Variants in DNAJC22 observed in about 807,000 individuals in gnomAD.
DNAJC22 encodes dnaJ homolog subfamily C member 22.
A neutral mutation model predicts 22.2 loss-of-function variants in DNAJC22; 24 were observed. The observed-to-expected ratio is 1.08, with a 90% CI of 0.78 to 1.52. The LOEUF (loss-of-function observed/expected upper bound fraction) is 1.52. Ranked by LOEUF, DNAJC22 falls within the 40% of genes most tolerant of loss-of-function variation. The pLI, the probability that DNAJC22 is intolerant of heterozygous loss-of-function variation, is 0.00. For missense variants in DNAJC22, 434 were observed against 421.7 expected (o/e 1.03, Z -0.26); for synonymous variants, 160 against 167.4 (o/e 0.96, Z 0.34).
rs1943713656 is a variant in DNAJC22 at position 49,347,462 on chromosome 12, C to G, written c.-659C>G. On this transcript the variant is annotated 5_prime_UTR_variant, in exon 1 of 4. Coordinates refer to ENST00000549441, the MANE Select transcript of DNAJC22 (RefSeq NM_001304944.2). ...TGGATGTCCCTCACTGCAGCCTGTC[C>G]GTGGATGTCTCTGCCTTAAGGGAAT... is the stretch of plus-strand genomic sequence containing the variant. 6.6e-6 allele frequency: 1 copy of G among 152,276 alleles called. No homozygotes were observed. Among genetic ancestry groups the G allele is most frequent in the Non-Finnish European group, 1.5e-5 (1 of 68,098 alleles). The allele number at this position is 152,276 out of a possible 1,614,324, so 9.4% of individuals were successfully genotyped here.
Position 49,349,091 on chromosome 12 carries a change from AC to A in DNAJC22, c.224del (p.Pro75LeufsTer2), listed in dbSNP as rs751047585. 37 of 1,613,464 alleles carry A rather than the reference AC, an allele frequency of 2.3e-5. No homozygotes were observed. The highest frequency in any genetic ancestry group is 3.1e-5 in the Non-Finnish European group (36 of 1,179,862). On this transcript the variant is annotated frameshift_variant, in exon 3 of 4. Coordinates refer to ENST00000549441, the MANE Select transcript of DNAJC22 (RefSeq NM_001304944.2). LOFTEE classifies it high-confidence loss of function. Reference sequence around the variant, plus strand: ...AGAGGCAGAGCCCCAGAGGGGTGACACCCCCTCTGAGTCCCATTCGCTTTGC... The same window carrying A: ...AGAGGCAGAGCCCCAGAGGGGTGACACCCCTCTGAGTCCCATTCGCTTTGC... ...GQRQSPRGVT[P>X]PLSPIRFAAQ...
At chr12:49,350,725 C>T (rs551337909) in intron 3 of DNAJC22, among the ~76,000 whole-genome samples, 72 of 149,780 alleles carry the variant, frequency 4.8e-4, no homozygotes, top group African/African-American at 1.7e-3. Context: ...CTCGAACTCC[C>T]GACCTCAGGT....
rs1943788784 is a variant in DNAJC22, at chr12:49,351,744, C to CA, written c.*248dup. 1 of 251,244 alleles carries CA rather than the reference C, an allele frequency of 4.0e-6. No homozygotes were observed. Among genetic ancestry groups the CA allele is most frequent in the Non-Finnish European group, 7.5e-6 (1 of 133,848 alleles). The allele number at this position is 251,244 out of a possible 1,614,324, so 15.6% of individuals were successfully genotyped here. A position where few individuals can be genotyped will look rare whatever the true frequency, so the allele number is the denominator to read the frequency against. On this transcript the variant is annotated 3_prime_UTR_variant, in exon 4 of 4. Transcript: ENST00000549441. ...TGAAACTTCGTCTCTACTAAAAATA[C>CA]AAAAAATTAGCCAGGAGTGGTGGCA... is the stretch of plus-strand genomic sequence containing the variant.
chr12:49,351,278 C>G lies in DNAJC22; in HGVS notation c.841-39C>G, dbSNP rs768189867. Reference sequence around the variant, plus strand: ...AGGAGAGGCCCAGGTACCCTGACAACTTGGGGGATTCTAATTTGTCATCTT... The same window carrying G: ...AGGAGAGGCCCAGGTACCCTGACAAGTTGGGGGATTCTAATTTGTCATCTT... On this transcript the variant is annotated intron_variant, in intron 3 of 3. Transcript: ENST00000549441. 7 of 1,612,406 alleles carry G rather than the reference C, an allele frequency of 4.3e-6. 1 individual carries two copies. In the South Asian group the frequency reaches 7.7e-5, roughly 18 times the overall value.
Position 49,349,246 on chromosome 12 carries a change from G to T in DNAJC22, c.374G>T (p.Gly125Val). 6.2e-7 allele frequency: 1 copy of T among 1,614,138 alleles called. No individual in the cohort carries two copies. Reference protein sequence around the residue: ...GLGVLLVAAVGNQTSDFKNTL... With the variant: ...GLGVLLVAAVVNQTSDFKNTL... ...GGGGTCTTGCTGGTGGCTGCTGTTGGCAACCAGACCTCAGACTTTAAGAAC... is the reference window on the plus strand; with the variant it reads ...GGGGTCTTGCTGGTGGCTGCTGTTGTCAACCAGACCTCAGACTTTAAGAAC... The change falls in exon 3 of 4, where the codon GGC becomes GTC. Residue 125 changes from glycine to valine, a missense_variant. Physicochemically the swap from Gly to Val is moderately radical, Grantham distance 109. Coordinates refer to ENST00000549441, the MANE Select transcript of DNAJC22 (RefSeq NM_001304944.2).
At chr12:49,350,017 C>T (rs1448135714) in intron 3 of DNAJC22, among the ~76,000 whole-genome samples, 1 of 152,098 alleles carries the variant, frequency 6.6e-6, no homozygotes, top group Non-Finnish European at 1.5e-5. Flanking sequence ...ATACTCCCAC[C>T]TTCAGAGGTC....
At chr12:49,349,909 CA>C in intron 3 of DNAJC22, 197 bp downstream of exon 3, 1 of 976,958 alleles carries the variant, frequency 1.0e-6, no homozygotes, top group South Asian at 4.7e-5. Context: ...TGAGGTACAA[CA>C]TATATAAATT....
At chr12:49,349,800 G>A in intron 3 of DNAJC22, 88 bp downstream of exon 3, 1 of 1,576,328 alleles carries the variant, frequency 6.3e-7, no homozygotes, top group South Asian at 1.2e-5. Flanking sequence ...CCAGGTGCTG[G>A]AAGGATATTC....
At position 49,349,711 on chromosome 12, in the gene DNAJC22, A is replaced by G. The variant is rs753814371; in HGVS notation, c.839A>G (p.Gln280Arg). Reference protein sequence around the residue: ...FQDEKRQLAYQVLGLSEGATN... With the variant: ...FQDEKRQLAYRVLGLSEGATN... ...GATGAGAAGCGTCAGCTGGCTTACC[A>G]GGTAAGGCTTTCTTCCCTCAGTCCT... is the stretch of plus-strand genomic sequence containing the variant. Residue 280 changes from glutamine to arginine, a missense_variant and splice_region_variant, in exon 3 of 4, where the codon CAG becomes CGG. Physicochemically the swap from Gln to Arg is conservative, Grantham distance 43. Coordinates refer to ENST00000549441, the MANE Select transcript of DNAJC22 (RefSeq NM_001304944.2). 4 of 1,614,184 alleles carry G rather than the reference A, an allele frequency of 2.5e-6. No individual in the cohort carries two copies. The highest frequency in any genetic ancestry group is 3.4e-6 in the Non-Finnish European group (4 of 1,180,028).
rs1943710548 is a variant in DNAJC22, at chr12:49,347,158, G to A, written c.-963G>A. ...TGGAGCCCGGGACATTGAAATGAAGGCGTCTTGCATTGCAGCTCCGTTGCA... is the reference window on the plus strand; with the variant it reads ...TGGAGCCCGGGACATTGAAATGAAGACGTCTTGCATTGCAGCTCCGTTGCA... On this transcript the variant is annotated 5_prime_UTR_variant, in exon 1 of 4. Transcript: ENST00000549441. The A allele has an allele frequency of 2.0e-5, 3 of 152,304 alleles. No homozygotes were observed. The highest frequency in any genetic ancestry group is 4.8e-5 in the African/African-American group (2 of 41,472). 9.4% of individuals were successfully genotyped at this position (152,304 alleles called of 1,614,324 possible). A position where few individuals can be genotyped will look rare whatever the true frequency, so the allele number is the denominator to read the frequency against.
Position 49,351,330 on chromosome 12 carries a change from C to G in DNAJC22, c.854C>G (p.Ser285Ter), listed in dbSNP as rs757250285. Residue 285 changes from serine to a stop codon, truncating the protein, a stop_gained, in exon 4 of 4, where the codon TCA becomes TGA. Transcript: ENST00000549441. LOFTEE classifies it high-confidence loss of function. ...TGTTTCCATAAGGTTTTGGGCCTCT[C>G]AGAAGGGGCAACAAATGAAGAAATA... ...RQLAYQVLGL[S>*]EGATNEEIHR... The G allele has an allele frequency of 3.1e-6, 5 of 1,613,564 alleles. No homozygotes were observed. The highest frequency in any genetic ancestry group is 1.1e-5 in the South Asian group (1 of 91,048).
chr12:49,348,556 G>A (rs1041611175), intron 2 of DNAJC22, among the ~76,000 whole-genome samples: 7 of 152,046 alleles, frequency 4.6e-5, no homozygotes, highest in African/African-American at 1.4e-4. Flanking sequence ...TGGGTCTCAG[G>A]GGAAGTCTGA....
intron 3 of DNAJC22, chr12:49,351,051 G>A (rs1943777257): frequency 4.9e-6 from 3 of 613,844 alleles, no homozygotes; most frequent in Non-Finnish European, 6.1e-6. Context: ...TTGGAAAATG[G>A]GCAGTTGTGG....
chr12:49,349,830 T>C (rs1943756836), intron 3 of DNAJC22, 118 bp downstream of exon 3: 1 of 1,530,150 alleles, frequency 6.5e-7, no homozygotes, highest in Non-Finnish European at 8.7e-7. Flanking sequence ...TGGATATCTG[T>C]GTACAATGGG....
Position 49,349,652 on chromosome 12 carries a change from G to A in DNAJC22, c.780G>A (p.Trp260Ter). The A allele has an allele frequency of 6.2e-7, 1 of 1,614,216 alleles. No homozygotes were observed. The highest frequency in any genetic ancestry group is 8.5e-7 in the Non-Finnish European group (1 of 1,180,046). Reference protein sequence around the residue: ...TGFNSSCFQEWAKLYEFVHSF... With the variant: ...TGFNSSCFQE ...TCAACAGCAGCTGCTTTCAGGAGTG[G>A]GCGAAGCTCTATGAGTTTGTTCACA... Residue 260 changes from tryptophan (W) to a stop codon, truncating the protein, a stop_gained, in exon 3 of 4, where the codon TGG becomes TGA. Coordinates refer to ENST00000549441, the MANE Select transcript of DNAJC22 (RefSeq NM_001304944.2). LOFTEE classifies it high-confidence loss of function.
In DNAJC22 at chr12:49,351,555, T is replaced by G. The variant is rs2137096666; in HGVS notation, c.*53T>G. On this transcript the variant is annotated 3_prime_UTR_variant, in exon 4 of 4. Coordinates refer to ENST00000549441, the MANE Select transcript of DNAJC22 (RefSeq NM_001304944.2). The stretch of plus-strand genomic sequence containing the variant: ...CTTCCTAGCAGAGCTGGGCAACTTG[T>G]CCCAAATCTAGCTTTGCCCACGAAT... 1.3e-6 allele frequency: 2 copies of G among 1,481,804 alleles called. No individual in the cohort carries two copies. The highest frequency in any genetic ancestry group is 5.1e-5 in the Admixed American group (2 of 39,306). The allele number at this position is 1,481,804 out of a possible 1,614,324, so 91.8% of individuals were successfully genotyped here. A position where few individuals can be genotyped will look rare whatever the true frequency, so the allele number is the denominator to read the frequency against.
chr12:49,350,069 ATTC>A lies in DNAJC22; in HGVS notation c.840+369_840+371del, dbSNP rs536417422. 3.0e-4 allele frequency among the ~76,000 whole-genome samples: 45 copies of A among 147,886 alleles called. No individual in the cohort carries two copies. The East Asian group carries it at 7.6e-3, about 25-fold the overall frequency. ...TCGTCACCATACATTAGTTTTGCTC[ATTC>A]TTCTTCTTCTTTTTTTTTTTTTGAG... is the stretch of plus-strand genomic sequence containing the variant. On this transcript the variant is annotated intron_variant, in intron 3 of 3. Transcript: ENST00000549441.
chr12:49,348,194 T>G (rs1943724687), intron 2 of DNAJC22, 89 bp downstream of exon 2: 1 of 152,172 alleles, frequency 6.6e-6, no homozygotes, highest in African/African-American at 2.4e-5. Flanking sequence ...GGCGTCCAGT[T>G]TGATATTGTG....
At chr12:49,351,189 C>A (rs983149801) in intron 3 of DNAJC22, 128 bp from the exon 4 acceptor site, 2 of 1,510,330 alleles carry the variant, frequency 1.3e-6, no homozygotes, top group African/African-American at 1.4e-5. Context: ...AGCTGCTGGA[C>A]CTTTCCCACG....
Sources: gnomAD v4.1 joint callset for allele counts (sites outside exome capture counted in the v4.1 genomes callset) on GRCh38, gnomAD v4.1.1 for gene constraint, MANE v1.5 for transcripts, NCBI Gene and HGNC (gene_info 2026-07-23, HGNC 2026-07-21) for gene names.